The following TSHR variants were observed in gnomAD, a reference collection of about 807,000 sequenced individuals.
TSHR encodes thyroid stimulating hormone receptor.
In TSHR, 51 loss-of-function variants were observed where a neutral mutation model predicts 64.1. The observed-to-expected ratio is 0.80, with a 90% CI of 0.64 to 1.01. The LOEUF is 1.01. Ranked by LOEUF, TSHR falls within the 50% of genes least tolerant of loss-of-function variation. TSHR has a pLI of 0.00. For missense variants in TSHR, 877 were observed against 942.8 expected (o/e 0.93, Z 0.91); for synonymous variants, 361 against 361.9 (o/e 1.00, Z 0.03).
chr14:80,981,721 T>C (rs1159395151), intron 1 of TSHR, among the ~76,000 whole-genome samples: 1 of 152,076 alleles, frequency 6.6e-6, no homozygotes, highest in Non-Finnish European at 1.5e-5. Context: ...TGTGGTGGCT[T>C]TGGATTGTCG....
At chr14:81,001,766 G>A in intron 1 of TSHR, 1 of 364,344 alleles carries the variant, frequency 2.7e-6, no homozygotes. Context: ...CTGATTTTGA[G>A]GGGTTTTCTG....
intron 1 of TSHR, among the ~76,000 whole-genome samples, chr14:80,966,610 A>C (rs1887311878): frequency 6.6e-6 from 1 of 152,208 alleles, no homozygotes. Flanking sequence ...TAAAAATTTA[A>C]AAAAGTAAAA....
intron 1 of TSHR, among the ~76,000 whole-genome samples, chr14:81,042,641 G>C (rs1436274073): frequency 6.6e-6 from 1 of 151,924 alleles, no homozygotes; most frequent in Admixed American, 6.6e-5. Context: ...GAAGAGTGTA[G>C]GGGTAAGAGG....
intron 1 of TSHR, among the ~76,000 whole-genome samples, chr14:81,030,554 A>G (rs932867380): frequency 2.6e-5 from 4 of 152,156 alleles, no homozygotes; most frequent in African/African-American, 9.6e-5. Flanking sequence ...TTTAAAAATC[A>G]GGCAGGGAAA....
intron 7 of TSHR, among the ~76,000 whole-genome samples, chr14:81,101,541 T>G (rs1341773739): frequency 6.6e-6 from 1 of 152,198 alleles, no homozygotes; most frequent in Admixed American, 6.5e-5. Flanking sequence ...AAATATGAGC[T>G]ATACATACAT....
intron 7 of TSHR, among the ~76,000 whole-genome samples, chr14:81,106,488 A>G (rs945754105): frequency 3.9e-5 from 6 of 152,220 alleles, no homozygotes; most frequent in Non-Finnish European, 8.8e-5. Context: ...CACTGGGTAG[A>G]CATAGAACTT....
intron 1 of TSHR, among the ~76,000 whole-genome samples, chr14:81,027,144 T>C (rs919146861): frequency 3.4e-5 from 5 of 149,042 alleles, no homozygotes; most frequent in South Asian, 2.1e-4. Flanking sequence ...CAAAATGAAA[T>C]AGAAAAGAAA....
chr14:81,117,462 A>G (rs1266428311), intron 8 of TSHR, among the ~76,000 whole-genome samples: 14 of 120,236 alleles, frequency 1.2e-4, no homozygotes, highest in Non-Finnish European at 5.0e-5. Flanking sequence ...CGACACATAC[A>G]CTCTCCCAAG....
In TSHR at chr14:81,143,149, T is replaced by C. The variant is rs1490511680; in HGVS notation, c.1091T>C (p.Ile364Thr). 1.2e-6 allele frequency: 2 copies of C among 1,614,062 alleles called. No individual in the cohort carries two copies. Among genetic ancestry groups the C allele is most frequent in the East Asian group, 2.2e-5 (1 of 44,900 alleles). The stretch of plus-strand genomic sequence containing the variant: ...TTTGAAGAACAAGAGGATGAGATCA[T>C]TGGTTTTGGCCAGGAGCTCAAAAAC... ...VFFEEQEDEI[I>T]GFGQELKNPQ... The change falls in exon 10 of 10, where the codon ATT becomes ACT. Residue 364 changes from isoleucine (I) to threonine (T), a missense_variant. By Grantham distance (89) the Ile-to-Thr change is moderately conservative. Coordinates refer to ENST00000298171, the MANE Select transcript of TSHR (RefSeq NM_000369.5).
intron 1 of TSHR, among the ~76,000 whole-genome samples, chr14:81,060,600 G>C (rs999054891): frequency 5.9e-5 from 9 of 152,052 alleles, no homozygotes; most frequent in Non-Finnish European, 8.8e-5. Context: ...GATTAGGCAA[G>C]TTACAGATAT....
chr14:81,137,507 C>T (rs1891501863), intron 8 of TSHR, among the ~76,000 whole-genome samples: 1 of 152,148 alleles, frequency 6.6e-6, no homozygotes. Flanking sequence ...GTCTTTGAGT[C>T]ACCTCAGCCC....
At chr14:81,105,063 TCTC>T (rs1234030228) in intron 7 of TSHR, 26 of 985,272 alleles carry the variant, frequency 2.6e-5, no homozygotes, top group African/African-American at 7.0e-5. Context: ...ATGTTCATCT[TCTC>T]CTTGCAAGGG....
At chr14:81,001,515 A>G in intron 1 of TSHR, 1 of 519,552 alleles carries the variant, frequency 1.9e-6, no homozygotes, top group Non-Finnish European at 3.8e-6. Context: ...CTCAGCATTT[A>G]TAAACATGTG....
At chr14:81,062,674 G>A (rs940906058) in intron 2 of TSHR, among the ~76,000 whole-genome samples, 12 of 152,018 alleles carry the variant, frequency 7.9e-5, no homozygotes, top group Admixed American at 2.0e-4. Context: ...GATCTCTCAC[G>A]TTAAAAGAGA....
intron 1 of TSHR, among the ~76,000 whole-genome samples, chr14:81,036,796 T>C (rs1003809516): frequency 6.6e-6 from 1 of 152,124 alleles, no homozygotes; most frequent in African/African-American, 2.4e-5. Flanking sequence ...CAACAAGTTG[T>C]TAAAATACGT....
intron 1 of TSHR, among the ~76,000 whole-genome samples, chr14:80,976,507 T>C (rs1414553361): frequency 1.3e-5 from 2 of 152,238 alleles, no homozygotes; most frequent in Admixed American, 1.3e-4. Flanking sequence ...GCCTTCATTT[T>C]TGAGGGCCTG....
rs371436408 is a variant in TSHR, at chr14:81,143,857, G to A, written c.1799G>A (p.Cys600Tyr). The A allele has an allele frequency of 6.2e-7, 1 of 1,613,864 alleles. No homozygotes were observed. The highest frequency in any genetic ancestry group is 8.5e-7 in the Non-Finnish European group (1 of 1,180,000). ...GTTGCCTTCGTCATCGTCTGCTGCT[G>A]TTATGTGAAGATCTACATCACAGTC... is the stretch of plus-strand genomic sequence containing the variant. Reference protein sequence around the residue: ...NIVAFVIVCCCYVKIYITVRN... With the variant: ...NIVAFVIVCCYYVKIYITVRN... The change falls in exon 10 of 10, where the codon TGT (cysteine) becomes TAT (tyrosine). Residue 600 changes from cysteine to tyrosine, a missense_variant. Cys to Tyr is a radical substitution (Grantham distance 194). Coordinates refer to ENST00000298171, the MANE Select transcript of TSHR (RefSeq NM_000369.5).
At chr14:81,039,649 A>C (rs1884824801) in intron 1 of TSHR, among the ~76,000 whole-genome samples, 1 of 152,078 alleles carries the variant, frequency 6.6e-6, no homozygotes. Flanking sequence ...TCAACATACA[A>C]AAATCAGTAG....
intron 3 of TSHR, chr14:81,087,695 C>A (rs987235078): frequency 5.7e-5 from 29 of 506,466 alleles, no homozygotes; most frequent in Non-Finnish European, 8.2e-5. Context: ...CAATTAAGAA[C>A]AATGTAGCCC....
Sources: gnomAD v4.1 joint callset for allele counts (sites outside exome capture counted in the v4.1 genomes callset) on GRCh38, gnomAD v4.1.1 for gene constraint, MANE v1.5 for transcripts, NCBI Gene and HGNC (gene_info 2026-07-23, HGNC 2026-07-21) for gene names.